The following LRRC4C variants were observed in gnomAD, a reference collection of about 807,000 sequenced individuals.
The protein encoded by LRRC4C is leucine rich repeat containing 4C.
Under a neutral mutation model 33.6 loss-of-function variants are expected in LRRC4C, and 5 were observed. The ratio of observed to expected loss-of-function variants is 0.15; its 90% CI spans 0.08 to 0.31. The LOEUF is 0.31. Among genes scored for constraint, LRRC4C ranks in the 10% least tolerant of loss-of-function variants. The pLI is 1.00. For synonymous variants in LRRC4C, 329 were observed against 302.0 expected, an observed-to-expected ratio of 1.09 and a Z score of -0.93; for missense variants, 560 against 796.7, an observed-to-expected ratio of 0.70 and a Z score of 3.58.
intron 3 of LRRC4C, among the ~76,000 whole-genome samples, chr11:40,481,576 CT>C (rs1046313705): frequency 7.2e-5 from 11 of 151,942 alleles, no homozygotes; most frequent in South Asian, 2.1e-4. Flanking sequence ...AGGAAGTAAA[CT>C]TTTTTTTCAA....
At chr11:41,095,194 G>GGA (rs74361855) in intron 1 of LRRC4C, among the ~76,000 whole-genome samples, 8,662 of 151,890 alleles carry the variant, frequency 0.057, 650 homozygotes, top group African/African-American at 0.18. Context: ...CATGGAGGCT[G>GGA]GAGAGAGAGA....
At chr11:40,741,781 G>A (rs1948167246) in intron 2 of LRRC4C, among the ~76,000 whole-genome samples, 1 of 151,936 alleles carries the variant, frequency 6.6e-6, no homozygotes, top group African/African-American at 2.4e-5. Flanking sequence ...AATTTAGAAT[G>A]ATCTGATTAC....
intron 1 of LRRC4C, among the ~76,000 whole-genome samples, chr11:41,271,843 G>A (rs545588054): frequency 6.6e-6 from 1 of 152,208 alleles, no homozygotes; most frequent in African/African-American, 2.4e-5. Flanking sequence ...AAGGAAAAGA[G>A]GCAGAGAGGA....
chr11:40,194,895 T>C (rs993773674), intron 5 of LRRC4C, among the ~76,000 whole-genome samples: 2 of 151,358 alleles, frequency 1.3e-5, no homozygotes, highest in Admixed American at 1.3e-4. Context: ...CAGACCATCC[T>C]GGCTAACACG....
intron 3 of LRRC4C, among the ~76,000 whole-genome samples, chr11:40,466,997 T>A (rs1952684153): frequency 6.6e-6 from 1 of 152,152 alleles, no homozygotes; most frequent in Non-Finnish European, 1.5e-5. Flanking sequence ...ATGTTTGAGT[T>A]GATTCATATG....
At chr11:40,563,025 C>T (rs1019654897) in intron 3 of LRRC4C, among the ~76,000 whole-genome samples, 5 of 151,784 alleles carry the variant, frequency 3.3e-5, no homozygotes, top group African/African-American at 1.2e-4. Context: ...CCTCTCCTCT[C>T]CTCTTGATCA....
At position 40,216,699 on chromosome 11, in the gene LRRC4C, C is replaced by T. The variant is rs12790602; in HGVS notation, c.-96+24820G>A. ...CATAAAAGCGTTCTGTGAATTTCCC[C>T]AGTTATGAAACAAAAAGCAAAAGTG... is the stretch of plus-strand genomic sequence containing the variant. On this transcript the variant is annotated intron_variant, in intron 5 of 6. Coordinates refer to ENST00000528697, the MANE Select transcript of LRRC4C (RefSeq NM_001258419.2). Among the ~76,000 whole-genome samples, 854 of 152,200 alleles carry T rather than the reference C, an allele frequency of 5.6e-3. 11 individuals are homozygous for T. Among genetic ancestry groups the T allele is most frequent in the Non-Finnish European group, 8.7e-3 (593 of 68,002 alleles).
intron 2 of LRRC4C, among the ~76,000 whole-genome samples, chr11:40,924,100 ATGTGTGTGTG>A (rs755711151): frequency 2.8e-5 from 4 of 144,798 alleles, no homozygotes; most frequent in East Asian, 2.0e-4. Context: ...GTGTGTGTGT[ATGTGTGTGTG>A]TGTGTGTGTG....
At chr11:41,352,531 A>G (rs775049920) in intron 1 of LRRC4C, among the ~76,000 whole-genome samples, 1 of 152,184 alleles carries the variant, frequency 6.6e-6, no homozygotes, top group Non-Finnish European at 1.5e-5. Flanking sequence ...ACAGACATCT[A>G]CATATACAGA....
chr11:40,483,859 A>G (rs1011132324), intron 3 of LRRC4C, among the ~76,000 whole-genome samples: 2 of 151,712 alleles, frequency 1.3e-5, no homozygotes, highest in Non-Finnish European at 2.9e-5. Flanking sequence ...AAAAAATCCA[A>G]CACTTAAGTA....
intron 2 of LRRC4C, among the ~76,000 whole-genome samples, chr11:40,789,362 C>T (rs1950541936): frequency 6.6e-6 from 1 of 152,086 alleles, no homozygotes; most frequent in African/African-American, 2.4e-5. Flanking sequence ...CGAAAATGTA[C>T]ATAGTCGATT....
At chr11:40,206,311 C>A (rs1442424116) in intron 5 of LRRC4C, among the ~76,000 whole-genome samples, 2 of 152,164 alleles carry the variant, frequency 1.3e-5, no homozygotes, top group Non-Finnish European at 2.9e-5. Context: ...TCTCGGCTCA[C>A]TGCAACCTCC....
At chr11:40,894,822 T>C (rs1955866361) in intron 2 of LRRC4C, among the ~76,000 whole-genome samples, 1 of 152,150 alleles carries the variant, frequency 6.6e-6, no homozygotes, top group Admixed American at 6.6e-5. Flanking sequence ...CATGTTCTTT[T>C]ATGGAGATAA....
intron 2 of LRRC4C, among the ~76,000 whole-genome samples, chr11:40,853,168 G>A (rs1233704282): frequency 1.3e-5 from 2 of 152,038 alleles, no homozygotes; most frequent in Non-Finnish European, 2.9e-5. Flanking sequence ...TATGCTGCTT[G>A]TTGCATAAGA....
chr11:41,328,421 ATG>A (rs1390257344), intron 1 of LRRC4C, among the ~76,000 whole-genome samples: 1 of 151,820 alleles, frequency 6.6e-6, no homozygotes, highest in Non-Finnish European at 1.5e-5. Context: ...GAGTGTGTAT[ATG>A]TGTGTGTGTG....
intron 3 of LRRC4C, among the ~76,000 whole-genome samples, chr11:40,609,159 A>G (rs1197424803): frequency 1.3e-5 from 2 of 152,106 alleles, no homozygotes; most frequent in African/African-American, 4.8e-5. Flanking sequence ...AGGATACGTC[A>G]TATGTTAGCT....
intron 3 of LRRC4C, among the ~76,000 whole-genome samples, chr11:40,328,266 CA>C (rs927653541): frequency 1.3e-5 from 2 of 152,108 alleles, no homozygotes; most frequent in African/African-American, 2.4e-5. Context: ...TTTATTTTAA[CA>C]TGAGAATTAG....
chr11:40,568,206 G>A (rs1023847867), intron 3 of LRRC4C, among the ~76,000 whole-genome samples: 10 of 152,170 alleles, frequency 6.6e-5, no homozygotes, highest in Non-Finnish European at 1.2e-4. Flanking sequence ...CTGACTCTGG[G>A]GGAAGCAAAG....
intron 3 of LRRC4C, among the ~76,000 whole-genome samples, chr11:40,458,726 T>C (rs1172627967): frequency 1.3e-5 from 2 of 152,198 alleles, no homozygotes; most frequent in African/African-American, 2.4e-5. Flanking sequence ...TAAGAGAATC[T>C]AGAATTTCAA....
Sources: allele counts gnomAD v4.1 joint callset (sites outside exome capture counted in the v4.1 genomes callset), GRCh38; gene constraint gnomAD v4.1.1; transcripts MANE v1.5; gene names NCBI Gene and HGNC (gene_info 2026-07-23, HGNC 2026-07-21).